SUMF1: variants seen among roughly 807,000 people sequenced by gnomAD.
SUMF1 encodes formylglycine-generating enzyme.
Under a neutral mutation model 47.6 loss-of-function variants are expected in SUMF1, and 48 were observed. That is an observed-to-expected ratio of 1.01 (90% confidence interval 0.80 to 1.28). SUMF1 has a LOEUF of 1.28. Among genes scored for constraint, SUMF1 ranks in the 50% most tolerant of loss-of-function variants. SUMF1 has a pLI of 0.00. For missense variants in SUMF1, 571 were observed against 485.4 expected, an observed-to-expected ratio of 1.18 and a Z score of -1.66; for synonymous variants, 230 against 192.1, an observed-to-expected ratio of 1.20 and a Z score of -1.63.
chr3:4,206,949 G>A (rs1695667239), intron 8 of SUMF1, among the ~76,000 whole-genome samples: 2 of 152,136 alleles, frequency 1.3e-5, no homozygotes, highest in African/African-American at 4.8e-5. Context: ...GAAGAGAATT[G>A]CCATTTTAAC....
At chr3:4,085,687 T>C (rs1692656521) in intron 8 of SUMF1, among the ~76,000 whole-genome samples, 1 of 152,082 alleles carries the variant, frequency 6.6e-6, no homozygotes, top group South Asian at 2.1e-4. Context: ...AGAACTGATG[T>C]CATATATAAA....
At chr3:4,405,309 AG>A (rs1354541308) in intron 7 of SUMF1, among the ~76,000 whole-genome samples, 22 of 152,344 alleles carry the variant, frequency 1.4e-4, no homozygotes, top group African/African-American at 5.0e-4. Flanking sequence ...GCAAGAGCTC[AG>A]AGGGGTGGCC....
At chr3:4,162,373 C>G (rs11707085) in intron 8 of SUMF1, among the ~76,000 whole-genome samples, 50,718 of 152,038 alleles carry the variant, frequency 0.33, 9,218 homozygotes, top group Non-Finnish European at 0.42. Flanking sequence ...CAGCACATGA[C>G]TAGGACTTGA....
chr3:4,239,662 G>T (rs1040791411), intron 8 of SUMF1, among the ~76,000 whole-genome samples: 1 of 152,186 alleles, frequency 6.6e-6, no homozygotes, highest in Non-Finnish European at 1.5e-5. Context: ...AGCTTAAGGA[G>T]ATTTTGGGCT....
chr3:4,186,797 T>C (rs1295054500), intron 8 of SUMF1, among the ~76,000 whole-genome samples: 2 of 152,148 alleles, frequency 1.3e-5, no homozygotes, highest in Non-Finnish European at 2.9e-5. Flanking sequence ...TGCCCTTTTG[T>C]GTGATGCCAG....
chr3:4,324,935 C>A (rs1698911228), intron 8 of SUMF1, among the ~76,000 whole-genome samples: 1 of 152,086 alleles, frequency 6.6e-6, no homozygotes, highest in African/African-American at 2.4e-5. Context: ...GTTTAATGGA[C>A]TCACAATTTC....
At chr3:4,464,060 C>G (rs1397254265) in intron 1 of SUMF1, among the ~76,000 whole-genome samples, 3 of 151,960 alleles carry the variant, frequency 2.0e-5, no homozygotes, top group Admixed American at 6.6e-5. Flanking sequence ...TATGAATACA[C>G]AAAAACAAAA....
chr3:4,399,390 C>G (rs552831179), intron 7 of SUMF1, among the ~76,000 whole-genome samples: 1 of 152,252 alleles, frequency 6.6e-6, no homozygotes, highest in South Asian at 2.1e-4. Flanking sequence ...ACTCTTCCCC[C>G]CCAAACCATT....
intron 8 of SUMF1, among the ~76,000 whole-genome samples, chr3:4,120,172 AATTT>A (rs1405566510): frequency 1.1e-4 from 16 of 152,006 alleles, no homozygotes; most frequent in African/African-American, 3.6e-4. Context: ...TTTGTATTAT[AATTT>A]ATTTATGTCT....
chr3:4,336,265 G>A (rs986373901), intron 8 of SUMF1, among the ~76,000 whole-genome samples: 3 of 152,080 alleles, frequency 2.0e-5, no homozygotes, highest in East Asian at 1.9e-4. Flanking sequence ...AAAGGAGATG[G>A]GAGGAAGGGT....
chr3:4,385,544 G>C (rs1372320668), intron 7 of SUMF1, among the ~76,000 whole-genome samples: 3 of 152,000 alleles, frequency 2.0e-5, no homozygotes, highest in Non-Finnish European at 4.4e-5. Flanking sequence ...TCAGATATAT[G>C]GGTTGCGAAT....
At chr3:4,382,094 T>C (rs1247048112) in intron 7 of SUMF1, among the ~76,000 whole-genome samples, 1 of 152,054 alleles carries the variant, frequency 6.6e-6, no homozygotes. Flanking sequence ...AAGAACTGAA[T>C]CTAGGCAATG....
At chr3:4,457,436 G>C (rs2079693496) in intron 1 of SUMF1, among the ~76,000 whole-genome samples, 1 of 151,896 alleles carries the variant, frequency 6.6e-6, no homozygotes, top group Admixed American at 6.6e-5. Context: ...ACCCCAAAGA[G>C]CGAAAGCAAT....
At chr3:4,306,068 A>T (rs181485027) in intron 8 of SUMF1, among the ~76,000 whole-genome samples, 177 of 152,320 alleles carry the variant, frequency 1.2e-3, no homozygotes, top group South Asian at 2.3e-3. Flanking sequence ...TGCAAAGAAT[A>T]CAACAAACAG....
At chr3:4,154,581 T>C (rs764283919) in intron 8 of SUMF1, among the ~76,000 whole-genome samples, 3 of 149,882 alleles carry the variant, frequency 2.0e-5, no homozygotes, top group African/African-American at 5.0e-5. Context: ...AAAGGTCACA[T>C]AGCTATGAAG....
At chr3:4,372,400 A>G (rs542859976) in intron 8 of SUMF1, among the ~76,000 whole-genome samples, 6 of 152,352 alleles carry the variant, frequency 3.9e-5, no homozygotes, top group East Asian at 1.9e-4. Flanking sequence ...ATGAATTATA[A>G]CATTATTCTT....
At chr3:4,065,358 G>A (rs1321536230) in intron 9 of SUMF1, among the ~76,000 whole-genome samples, 3 of 152,118 alleles carry the variant, frequency 2.0e-5, no homozygotes, top group African/African-American at 7.2e-5. Flanking sequence ...AGAGCCTGAA[G>A]AAGATGTACA....
chr3:4,238,465 C>G (rs1696460150), intron 8 of SUMF1, among the ~76,000 whole-genome samples: 2 of 152,186 alleles, frequency 1.3e-5, no homozygotes, highest in South Asian at 4.1e-4. Flanking sequence ...CAATGATCAT[C>G]ATTCTAACTG....
chr3:4,101,665 T>C (rs963965670), intron 8 of SUMF1, among the ~76,000 whole-genome samples: 1 of 152,174 alleles, frequency 6.6e-6, no homozygotes, highest in African/African-American at 2.4e-5. Context: ...TGCAAAGAAC[T>C]GATAACTATT....
Sources: gnomAD v4.1 joint callset for allele counts (sites outside exome capture counted in the v4.1 genomes callset) on GRCh38, gnomAD v4.1.1 for gene constraint, MANE v1.5 for transcripts, NCBI Gene and HGNC (gene_info 2026-07-23, HGNC 2026-07-21) for gene names.